DOP1B: variants seen among roughly 807,000 people sequenced by gnomAD.
The protein encoded by DOP1B is DOP1 leucine zipper like protein B, also known as protein DOP1B.
Under a neutral mutation model 233.5 loss-of-function variants are expected in DOP1B, and 174 were observed. The observed-to-expected ratio is 0.75, with a 90% CI of 0.66 to 0.85. DOP1B has a LOEUF of 0.85. DOP1B is among the 40% of genes least tolerant of loss of function. The pLI is 0.00. For missense variants in DOP1B, 2,652 were observed against 2,846.6 expected, an observed-to-expected ratio of 0.93 and a Z score of 1.56; for synonymous variants, 1,190 against 1,185.6, an observed-to-expected ratio of 1.00 and a Z score of -0.08.
Position 36,277,491 on chromosome 21 carries a change from C to T in DOP1B, c.5712+391C>T, listed in dbSNP as rs2067365592. ...AGAGACGGGGTTTCACTGTGTTGGC[C>T]AGGATGGTCTCAATCTCCTGACCTC... On this transcript the variant is annotated intron_variant, in intron 28 of 36. Transcript: ENST00000691173. Among the ~76,000 whole-genome samples, 3 of 151,986 alleles carry T rather than the reference C, an allele frequency of 2.0e-5. 1 individual carries two copies. The South Asian group carries it at 6.2e-4, about 32-fold the overall frequency.
chr21:36,206,377 A>G (rs940891711), intron 4 of DOP1B, among the ~76,000 whole-genome samples: 3 of 152,054 alleles, frequency 2.0e-5, no homozygotes, highest in Middle Eastern at 3.2e-3. Context: ...TATAAAATGC[A>G]AAAATTAGCC....
In DOP1B at chr21:36,199,181, C is replaced by G. The variant is rs745437368; in HGVS notation, c.250C>G (p.Leu84Val). The G allele has an allele frequency of 6.2e-7, 1 of 1,614,028 alleles. No homozygotes were observed. The highest frequency in any genetic ancestry group is 1.3e-5 in the African/African-American group (1 of 74,926). The change falls in exon 3 of 37, where the codon CTG (leucine) becomes GTG (valine). Residue 84 changes from leucine to valine, a missense_variant. By Grantham distance (32) the Leu-to-Val change is conservative (BLOSUM62 1). Coordinates refer to ENST00000691173, the MANE Select transcript of DOP1B (RefSeq NM_001320714.2). ...ALPSGVHLKA[L>V]ETYEIIFKIV... ...GCCCAGTGGTGTCCACTTAAAAGCT[C>G]TGGAAACCTACGAGATTATCTTTAA...
intron 35 of DOP1B, 105 bp downstream of exon 35, chr21:36,289,311 T>C (rs1402698188): frequency 1.6e-6 from 2 of 1,219,772 alleles, no homozygotes; most frequent in African/African-American, 3.1e-5. Context: ...GAAACCACCA[T>C]CTGGGTTTCT....
At chr21:36,214,803 T>A (rs529925716) in intron 9 of DOP1B, among the ~76,000 whole-genome samples, 1 of 152,266 alleles carries the variant, frequency 6.6e-6, no homozygotes, top group East Asian at 1.9e-4. Context: ...GGAAGGAAGA[T>A]CACTTGAGCT....
chr21:36,241,416 C>T (rs936836613), intron 18 of DOP1B, among the ~76,000 whole-genome samples: 1 of 151,972 alleles, frequency 6.6e-6, no homozygotes, highest in African/African-American at 2.4e-5. Flanking sequence ...AGACACCCCC[C>T]TCTCCAGATC....
At chr21:36,252,597 TCTGCCTC>T (rs369121549) in intron 22 of DOP1B, among the ~76,000 whole-genome samples, 61 of 151,670 alleles carry the variant, frequency 4.0e-4, no homozygotes, top group African/African-American at 1.5e-3. Context: ...CACTGCAACC[TCTGCCTC>T]CTGAGTTTAA....
intron 1 of DOP1B, among the ~76,000 whole-genome samples, chr21:36,161,486 A>G (rs1175206397): frequency 6.6e-6 from 1 of 152,072 alleles, no homozygotes; most frequent in Non-Finnish European, 1.5e-5. Context: ...TGCAGCTCAT[A>G]AAATTCATTC....
At chr21:36,268,380 C>A (rs1601466760) in intron 26 of DOP1B, among the ~76,000 whole-genome samples, 5 of 152,216 alleles carry the variant, frequency 3.3e-5, no homozygotes, top group Admixed American at 3.3e-4. Flanking sequence ...GGCAGTCAGA[C>A]CTTATGGTTG....
intron 26 of DOP1B, among the ~76,000 whole-genome samples, chr21:36,266,331 A>C (rs2067230126): frequency 6.6e-6 from 1 of 151,942 alleles, no homozygotes; most frequent in Non-Finnish European, 1.5e-5. Flanking sequence ...TGCCCGCCAC[A>C]ATGCCAGCTA....
intron 1 of DOP1B, 44 bp from the exon 2 acceptor site, chr21:36,164,664 C>T: frequency 1.4e-6 from 2 of 1,444,342 alleles, no homozygotes; most frequent in Non-Finnish European, 1.8e-6. Context: ...GATTTGTATC[C>T]CCAAATGGCT....
At chr21:36,192,751 G>A (rs900242570) in intron 2 of DOP1B, among the ~76,000 whole-genome samples, 5 of 150,894 alleles carry the variant, frequency 3.3e-5, no homozygotes, top group East Asian at 2.0e-4. Flanking sequence ...GCAGTGGCAC[G>A]ATCTCGGCTC....
chr21:36,290,586 T>G (rs980578666), intron 35 of DOP1B, among the ~76,000 whole-genome samples: 1 of 151,716 alleles, frequency 6.6e-6, no homozygotes, highest in African/African-American at 2.4e-5. Flanking sequence ...ATCACCTGAG[T>G]TTGGGATCAG....
chr21:36,278,140 AAATG>A (rs1435376647), intron 29 of DOP1B, 56 bp downstream of exon 29: 1 of 1,613,380 alleles, frequency 6.2e-7, no homozygotes, highest in Non-Finnish European at 8.5e-7. Flanking sequence ...ATGTTTTCAC[AAATG>A]AATCAAGTAG....
intron 2 of DOP1B, among the ~76,000 whole-genome samples, chr21:36,178,686 C>T (rs1184851656): frequency 2.0e-5 from 3 of 152,092 alleles, no homozygotes; most frequent in African/African-American, 4.8e-5. Flanking sequence ...TTGTATTTTT[C>T]AGAAAAAAAG....
In DOP1B at chr21:36,229,920, C is replaced by T. The variant is rs185345276; in HGVS notation, c.1666-530C>T. Reference sequence around the variant, plus strand: ...TCAGGAGATCCACCCACCTCATCCTCCCAAAGTGCTGGGATTACAGGCATG... The same window carrying T: ...TCAGGAGATCCACCCACCTCATCCTTCCAAAGTGCTGGGATTACAGGCATG... On this transcript the variant is annotated intron_variant, in intron 13 of 36. Coordinates refer to ENST00000691173, the MANE Select transcript of DOP1B (RefSeq NM_001320714.2). Among the ~76,000 whole-genome samples, 1,455 of 152,256 alleles carry T rather than the reference C, an allele frequency of 9.6e-3. 8 individuals are homozygous for T. Among genetic ancestry groups the T allele is most frequent in the Non-Finnish European group, 0.015 (1,010 of 68,006 alleles).
At chr21:36,251,119 C>G (rs1298873612) in intron 21 of DOP1B, 43 bp from the exon 22 acceptor site, 1 of 1,591,522 alleles carries the variant, frequency 6.3e-7, no homozygotes, top group Non-Finnish European at 8.5e-7. Flanking sequence ...ATGCCATAGC[C>G]CCAATATTAC....
chr21:36,254,899 C>A (rs1464682870), intron 23 of DOP1B, among the ~76,000 whole-genome samples: 2 of 150,958 alleles, frequency 1.3e-5, no homozygotes, highest in Non-Finnish European at 2.9e-5. Flanking sequence ...TAGCTAGAAT[C>A]AGCTCAAGGA....
chr21:36,230,415 G>C (rs1346355820), intron 13 of DOP1B, 35 bp from the exon 14 acceptor site: 1 of 1,570,288 alleles, frequency 6.4e-7, no homozygotes, highest in African/African-American at 1.4e-5. Context: ...TTGGTGTTAA[G>C]AGATGCACAA....
chr21:36,186,788 T>C (rs890505348), intron 2 of DOP1B, among the ~76,000 whole-genome samples: 3 of 152,136 alleles, frequency 2.0e-5, no homozygotes, highest in Non-Finnish European at 4.4e-5. Flanking sequence ...TGAATGGTGC[T>C]GACTTTGGAG....
Sources: allele counts gnomAD v4.1 joint callset (sites outside exome capture counted in the v4.1 genomes callset), GRCh38; gene constraint gnomAD v4.1.1; transcripts MANE v1.5; gene names NCBI Gene and HGNC (gene_info 2026-07-23, HGNC 2026-07-21).